The following EPHB1 variants were observed in gnomAD, a reference collection of about 807,000 sequenced individuals.
EPHB1 encodes ephrin type-B receptor 1.
In EPHB1, 30 loss-of-function variants were observed where a neutral mutation model predicts 94.4. The ratio of observed to expected loss-of-function variants is 0.32; its 90% CI spans 0.24 to 0.43. The LOEUF (loss-of-function observed/expected upper bound fraction) is 0.43. Ranked by LOEUF, EPHB1 falls within the 20% of genes least tolerant of loss-of-function variation. The pLI, the probability that EPHB1 is intolerant of heterozygous loss-of-function variation, is 1.00. For synonymous variants in EPHB1, 522 were observed against 489.1 expected (o/e 1.07, Z -0.89); for missense variants, 1,055 against 1,308.3 (o/e 0.81, Z 2.99).
chr3:134,924,121 C>A (rs886712882), intron 1 of EPHB1, among the ~76,000 whole-genome samples: 1 of 152,146 alleles, frequency 6.6e-6, no homozygotes, highest in Non-Finnish European at 1.5e-5. Context: ...ATACCTTCCA[C>A]CTTATGCAGA....
In EPHB1 at chr3:134,871,377, G is replaced by A. The variant is rs917587119; in HGVS notation, c.59-54439G>A. Among the ~76,000 whole-genome samples the A allele has an allele frequency of 5.3e-5, 8 of 152,256 alleles. No individual in the cohort carries two copies. In the East Asian group the frequency reaches 1.6e-3, roughly 30 times the overall value. ...TCTCTAGGCTGGGAGGGCACCTGGGGTGAGGGAGTGAGGTGTTTGGCAGGT... is the reference window on the plus strand; with the variant it reads ...TCTCTAGGCTGGGAGGGCACCTGGGATGAGGGAGTGAGGTGTTTGGCAGGT... On this transcript the variant is annotated intron_variant, in intron 1 of 15. Transcript: ENST00000398015.
At chr3:135,070,585 T>C (rs1254253374) in intron 3 of EPHB1, among the ~76,000 whole-genome samples, 1 of 152,194 alleles carries the variant, frequency 6.6e-6, no homozygotes, top group African/African-American at 2.4e-5. Context: ...AAATGACCTT[T>C]CTTTTTTCAT....
intron 3 of EPHB1, among the ~76,000 whole-genome samples, chr3:135,041,176 CTG>C (rs1936827782): frequency 1.3e-5 from 2 of 152,166 alleles, no homozygotes; most frequent in Non-Finnish European, 2.9e-5. Context: ...AGCCAACATA[CTG>C]AGAACTTTCA....
chr3:135,138,311 C>A (rs148220734), intron 5 of EPHB1, among the ~76,000 whole-genome samples: 63 of 152,294 alleles, frequency 4.1e-4, no homozygotes, highest in African/African-American at 1.5e-3. Flanking sequence ...AGTTCTTAGA[C>A]AGTTAAAATC....
intron 2 of EPHB1, among the ~76,000 whole-genome samples, chr3:134,946,122 T>C (rs533558422): frequency 1.3e-5 from 2 of 152,342 alleles, no homozygotes; most frequent in African/African-American, 4.8e-5. Flanking sequence ...TTCCAGTTTT[T>C]GCTGGTCTGT....
chr3:135,020,107 T>C (rs905637294), intron 3 of EPHB1, among the ~76,000 whole-genome samples: 1 of 152,244 alleles, frequency 6.6e-6, no homozygotes, highest in Non-Finnish European at 1.5e-5. Context: ...ATCTGTTCAT[T>C]GATTTTTTTT....
intron 4 of EPHB1, among the ~76,000 whole-genome samples, chr3:135,126,284 G>A (rs1210334683): frequency 6.6e-6 from 1 of 152,104 alleles, no homozygotes; most frequent in African/African-American, 2.4e-5. Context: ...TTGCTTTCCT[G>A]ACTGATAATA....
At chr3:135,199,874 T>A (rs1942712087) in intron 11 of EPHB1, among the ~76,000 whole-genome samples, 1 of 152,242 alleles carries the variant, frequency 6.6e-6, no homozygotes, top group South Asian at 2.1e-4. Context: ...AAAATGCTTT[T>A]GCAGGAGCAT....
At chr3:135,071,235 C>A (rs1937697401) in intron 3 of EPHB1, among the ~76,000 whole-genome samples, 1 of 152,134 alleles carries the variant, frequency 6.6e-6, no homozygotes, top group African/African-American at 2.4e-5. Flanking sequence ...TTCCTTTGTG[C>A]TGGGATGCAA....
chr3:135,192,902 A>G lies in EPHB1; in HGVS notation c.2130+79A>G, dbSNP rs1202016406. 5 of 1,551,450 alleles carry G rather than the reference A, an allele frequency of 3.2e-6. No homozygotes were observed. The African/African-American group carries it at 6.8e-5, about 21-fold the overall frequency. ...TGGGGAGAGGGGTTCCATGAGCACA[A>G]CCTACCAATCAGGAATCGCCTGATC... is the stretch of plus-strand genomic sequence containing the variant. On this transcript the variant is annotated intron_variant, in intron 11 of 15. Transcript: ENST00000398015.
At chr3:135,235,572 C>T (rs916741022) in intron 12 of EPHB1, among the ~76,000 whole-genome samples, 3 of 152,124 alleles carry the variant, frequency 2.0e-5, no homozygotes, top group East Asian at 1.9e-4. Context: ...CCGAGAAATT[C>T]GAATAAATTA....
intron 14 of EPHB1, 76 bp from the exon 15 acceptor site, chr3:135,249,260 A>C (rs1932962916): frequency 6.7e-7 from 1 of 1,498,250 alleles, no homozygotes; most frequent in Non-Finnish European, 8.9e-7. Context: ...CCATGAAGTC[A>C]GCTGTCAGGC....
intron 12 of EPHB1, among the ~76,000 whole-genome samples, chr3:135,240,640 C>T (rs989870936): frequency 7.9e-5 from 12 of 152,108 alleles, no homozygotes; most frequent in African/African-American, 2.4e-4. Context: ...TGGAATGCAA[C>T]AAAAATGGGG....
intron 3 of EPHB1, among the ~76,000 whole-genome samples, chr3:134,957,116 G>C (rs1260524367): frequency 6.6e-6 from 1 of 152,164 alleles, no homozygotes; most frequent in Non-Finnish European, 1.5e-5. Flanking sequence ...CCAAGCCCAA[G>C]AGAGCCATGG....
At chr3:134,829,139 A>C (rs1348624629) in intron 1 of EPHB1, among the ~76,000 whole-genome samples, 9 of 152,238 alleles carry the variant, frequency 5.9e-5, no homozygotes, top group African/African-American at 2.2e-4. Flanking sequence ...TAAGAGATAC[A>C]AGTTAAGGAA....
At chr3:135,005,902 C>T (rs1281850966) in intron 3 of EPHB1, among the ~76,000 whole-genome samples, 1 of 152,220 alleles carries the variant, frequency 6.6e-6, no homozygotes, top group Non-Finnish European at 1.5e-5. Flanking sequence ...GATGGAAATG[C>T]AGAAATCACC....
chr3:135,120,085 A>T (rs551244192), intron 4 of EPHB1, among the ~76,000 whole-genome samples: 1 of 152,216 alleles, frequency 6.6e-6, no homozygotes, highest in Non-Finnish European at 1.5e-5. Context: ...AAAAATAGCT[A>T]TCCCATTCTT....
At chr3:135,138,420 T>G (rs555192883) in intron 5 of EPHB1, among the ~76,000 whole-genome samples, 2 of 152,354 alleles carry the variant, frequency 1.3e-5, no homozygotes, top group South Asian at 4.1e-4. Context: ...AAATATAGTA[T>G]TTGCATGCAT....
intron 13 of EPHB1, among the ~76,000 whole-genome samples, chr3:135,244,141 G>T (rs1943863541): frequency 6.6e-6 from 1 of 152,134 alleles, no homozygotes; most frequent in African/African-American, 2.4e-5. Flanking sequence ...AGCACCTGGG[G>T]TCAGACTACC....
Sources: allele counts gnomAD v4.1 joint callset (sites outside exome capture counted in the v4.1 genomes callset), GRCh38; gene constraint gnomAD v4.1.1; transcripts MANE v1.5; gene names NCBI Gene and HGNC (gene_info 2026-07-23, HGNC 2026-07-21).